The following MAML3 variants were observed in gnomAD, a reference collection of about 807,000 sequenced individuals.
The protein encoded by MAML3 is mastermind-like protein 3.
MAML3 carries 27 observed loss-of-function variants against 101.9 expected under a neutral mutation model. That is an observed-to-expected ratio of 0.27 (90% CI 0.20 to 0.37). The LOEUF (loss-of-function observed/expected upper bound fraction) is 0.37, where lower values mean the gene tolerates loss of function less well. MAML3 is among the 10% of genes least tolerant of loss of function. The probability of loss-of-function intolerance (pLI) is 1.00; values close to 1 mark genes in which losing one functional copy is unlikely to be tolerated. For synonymous variants in MAML3, 501 were observed against 555.9 expected (o/e 0.90, Z 1.39); for missense variants, 1,316 against 1,444.9 (o/e 0.91, Z 1.45).
At chr4:139,792,960 A>C (rs992233073) in intron 2 of MAML3, among the ~76,000 whole-genome samples, 4 of 151,922 alleles carry the variant, frequency 2.6e-5, no homozygotes, top group African/African-American at 9.7e-5. Context: ...GTTAGCCAGG[A>C]TGGTCTTGAT....
intron 1 of MAML3, among the ~76,000 whole-genome samples, chr4:140,038,991 C>T (rs999795838): frequency 1.3e-5 from 2 of 151,948 alleles, no homozygotes; most frequent in South Asian, 2.1e-4. Flanking sequence ...TGGCAGCATG[C>T]GCCTATGATC....
At chr4:140,141,628 T>C (rs560454889) in intron 1 of MAML3, among the ~76,000 whole-genome samples, 1 of 152,354 alleles carries the variant, frequency 6.6e-6, no homozygotes, top group South Asian at 2.1e-4. Context: ...CAGGACCTGG[T>C]TGAGCAGGTT....
chr4:140,048,144 C>CTGAG lies in MAML3; in HGVS notation c.468+104712_468+104715dup, dbSNP rs1452659731. On this transcript the variant is annotated intron_variant, in intron 1 of 4. Coordinates refer to ENST00000509479, the MANE Select transcript of MAML3 (RefSeq NM_018717.5). ...CTAATGATCACTTTTCTGTGTGATC[C>CTGAG]TGAGTGAGTGGACTGGATTTCTGGC... Among the ~76,000 whole-genome samples the CTGAG allele has an allele frequency of 2.0e-5, 3 of 152,144 alleles. No homozygotes were observed. In the East Asian group the frequency reaches 5.8e-4, roughly 29 times the overall value.
At chr4:139,941,545 G>GT (rs1560843520) in intron 1 of MAML3, among the ~76,000 whole-genome samples, 3 of 143,442 alleles carry the variant, frequency 2.1e-5, no homozygotes. Flanking sequence ...GTTGTTGTTG[G>GT]TGGTGGTGGT....
intron 2 of MAML3, among the ~76,000 whole-genome samples, chr4:139,839,469 A>ATT (rs5862438): frequency 3.8e-4 from 55 of 146,280 alleles, no homozygotes; most frequent in Middle Eastern, 3.5e-3. Context: ...AGTCCAACAG[A>ATT]TTTTTTTTTT....
rs114439538 is a variant in MAML3 at position 139,933,365 on chromosome 4, G to T, written c.469-42398C>A. Reference sequence around the variant, plus strand: ...CTTTGAGGTAAACTGGGGCGCTGTTGTTCCTTACTCTGTAACTTGCTGTCA... The same window carrying T: ...CTTTGAGGTAAACTGGGGCGCTGTTTTTCCTTACTCTGTAACTTGCTGTCA... On this transcript the variant is annotated intron_variant, in intron 1 of 4. Transcript: ENST00000509479. Among the ~76,000 whole-genome samples the T allele has an allele frequency of 8.4e-3, 1,276 of 152,276 alleles. 21 individuals are homozygous for T. The highest frequency in any genetic ancestry group is 0.029 in the African/African-American group (1,195 of 41,540).
intron 2 of MAML3, among the ~76,000 whole-genome samples, chr4:139,826,497 AG>A (rs1731063205): frequency 6.6e-6 from 1 of 152,218 alleles, no homozygotes; most frequent in Non-Finnish European, 1.5e-5. Context: ...AAACATGGGT[AG>A]TATGGATAGA....
chr4:140,115,541 G>A (rs1335349498), intron 1 of MAML3, among the ~76,000 whole-genome samples: 1 of 152,162 alleles, frequency 6.6e-6, no homozygotes, highest in Non-Finnish European at 1.5e-5. Context: ...AGACTGATCT[G>A]GGAGGTGATC....
rs969448878 is a variant in MAML3 at position 139,735,758 on chromosome 4, G to T, written c.2080-5091C>A. 1.1e-4 allele frequency among the ~76,000 whole-genome samples: 16 copies of T among 152,206 alleles called. No individual in the cohort carries two copies. Among genetic ancestry groups the T allele is most frequent in the Non-Finnish European group, 2.1e-4 (14 of 68,026 alleles). On this transcript the variant is annotated intron_variant, in intron 2 of 4. Transcript: ENST00000509479. The surrounding 1 kb of genome is among the most constrained non-coding windows in gnomAD (Gnocchi z 5.8). ...CAGGGGACTCCGGCTAGGAAGTCAGGAGTGGGGCCCGTGCGTCCCCGGCAG... is the reference window on the plus strand; with the variant it reads ...CAGGGGACTCCGGCTAGGAAGTCAGTAGTGGGGCCCGTGCGTCCCCGGCAG...
At chr4:139,726,477 G>A (rs952011737) in intron 3 of MAML3, among the ~76,000 whole-genome samples, 1 of 152,144 alleles carries the variant, frequency 6.6e-6, no homozygotes, top group African/African-American at 2.4e-5. Context: ...GCGTGCTGAG[G>A]GAAGGGGTTT....
intron 2 of MAML3, among the ~76,000 whole-genome samples, chr4:139,746,086 A>C (rs1729310746): frequency 6.6e-6 from 1 of 152,240 alleles, no homozygotes; most frequent in African/African-American, 2.4e-5. Context: ...ACTTCATAAC[A>C]AATGTGATAA....
chr4:139,846,023 C>G (rs1731440275), intron 2 of MAML3, among the ~76,000 whole-genome samples: 1 of 152,100 alleles, frequency 6.6e-6, no homozygotes, highest in East Asian at 1.9e-4. Flanking sequence ...TGAAATGCTC[C>G]AAGCAGACAT....
chr4:139,790,453 T>C (rs1392576076), intron 2 of MAML3, among the ~76,000 whole-genome samples: 2 of 151,682 alleles, frequency 1.3e-5, no homozygotes, highest in Non-Finnish European at 2.9e-5. Context: ...GTGGCATTAG[T>C]ATATTCACGA....
intron 2 of MAML3, among the ~76,000 whole-genome samples, chr4:139,841,283 T>A (rs1578626459): frequency 1.3e-5 from 2 of 152,294 alleles, no homozygotes; most frequent in East Asian, 3.9e-4. Flanking sequence ...GAGCCACACA[T>A]CAGCAAAAAG....
chr4:139,930,353 C>T (rs1472592575), intron 1 of MAML3, among the ~76,000 whole-genome samples: 2 of 152,078 alleles, frequency 1.3e-5, no homozygotes, highest in Admixed American at 6.6e-5. Context: ...CACAAAGGTG[C>T]GGATGAAGAC....
Position 140,153,220 on chromosome 4 carries a change from A to T in MAML3, c.108T>A (p.Thr36=). ...LGGAGIGVNN[T]PNSTPAAPSS... ...TCGGAGCAGCGGGAGTACTATTGGG[A>T]GTATTATTCACACCGATCCCGGCCC... is the stretch of plus-strand genomic sequence containing the variant. Residue 36 remains threonine (T), a synonymous_variant, in exon 1 of 5, where the codon ACT becomes ACA. Transcript: ENST00000509479. The T allele has an allele frequency of 6.4e-7, 1 of 1,570,778 alleles. No homozygotes were observed. Among genetic ancestry groups the T allele is most frequent in the Non-Finnish European group, 8.6e-7 (1 of 1,157,190 alleles).
At position 139,803,092 on chromosome 4, in the gene MAML3, A is replaced by C. The variant is rs78127117; in HGVS notation, c.2080-72425T>G. ...AATAACAGGAAGTGGTGAACCCTCC[A>C]TGAGGTTTTTGGACCAATTTAAAAT... On this transcript the variant is annotated intron_variant, in intron 2 of 4. Transcript: ENST00000509479. 5.5e-3 allele frequency among the ~76,000 whole-genome samples: 836 copies of C among 152,260 alleles called. 4 individuals are homozygous for C. Among genetic ancestry groups the C allele is most frequent in the South Asian group, 7.5e-3 (36 of 4,826 alleles).
At chr4:140,055,159 C>T (rs1315422501) in intron 1 of MAML3, among the ~76,000 whole-genome samples, 3 of 152,152 alleles carry the variant, frequency 2.0e-5, no homozygotes, top group Non-Finnish European at 4.4e-5. Flanking sequence ...ACTCTATTCC[C>T]CTACCCCAAA....
chr4:139,997,072 A>AATT (rs1476030511), intron 1 of MAML3, among the ~76,000 whole-genome samples: 1 of 147,674 alleles, frequency 6.8e-6, no homozygotes, highest in Non-Finnish European at 1.5e-5. Context: ...TAATAATAAT[A>AATT]ATAAATAAAA....
Sources: allele counts gnomAD v4.1 joint callset (sites outside exome capture counted in the v4.1 genomes callset), GRCh38; gene constraint gnomAD v4.1.1; non-coding constraint Gnocchi (gnomAD v3.1); transcripts MANE v1.5; gene names NCBI Gene and HGNC (gene_info 2026-07-23, HGNC 2026-07-21).